The following USH2A variants were observed in gnomAD, a reference collection of about 807,000 sequenced individuals.
The protein encoded by USH2A is Usher syndrome 2A (autosomal recessive, mild).
A neutral mutation model predicts 538.9 loss-of-function variants in USH2A; 443 were observed. The ratio of observed to expected loss-of-function variants is 0.82; its 90% CI spans 0.76 to 0.89. The LOEUF is 0.89. Ranked by LOEUF, USH2A falls within the 40% of genes least tolerant of loss-of-function variation. The pLI is 0.00. For synonymous variants in USH2A, 2,413 were observed against 2,273.5 expected (o/e 1.06, Z -1.75); for missense variants, 6,633 against 6,324.8 (o/e 1.05, Z -1.65).
At chr1:215,857,349 G>A (rs922902409) in intron 44 of USH2A, among the ~76,000 whole-genome samples, 4 of 152,160 alleles carry the variant, frequency 2.6e-5, no homozygotes, top group African/African-American at 9.7e-5. Context: ...AGTTTGAAGT[G>A]TGTCAACAGA....
rs2609423 is a variant in USH2A, at chr1:216,110,964, G to C, written c.4628-13751C>G. On this transcript the variant is annotated intron_variant, in intron 21 of 71. Coordinates refer to ENST00000307340, the MANE Select transcript of USH2A (RefSeq NM_206933.4). ...TATCTGGCCGGGCATGGTGGCTCAC[G>C]CCTGTAATCCCAGCACTTTGGGAGG... Among the ~76,000 whole-genome samples the C allele has an allele frequency of 2.6e-5, 4 of 152,236 alleles. No individual in the cohort carries two copies. In the East Asian group the frequency reaches 7.7e-4, roughly 29 times the overall value.
At chr1:215,902,423 G>A (rs1026175082) in intron 38 of USH2A, among the ~76,000 whole-genome samples, 2 of 152,054 alleles carry the variant, frequency 1.3e-5, no homozygotes, top group Admixed American at 6.6e-5. Context: ...CATTTATTAA[G>A]GCTCCACTCT....
chr1:216,415,463 C>A (rs1254463576), intron 3 of USH2A, among the ~76,000 whole-genome samples: 5 of 151,126 alleles, frequency 3.3e-5, no homozygotes, highest in African/African-American at 1.2e-4. Context: ...AGTAGCATAA[C>A]CTAAATCAGA....
chr1:216,379,140 A>T (rs1394755787), intron 3 of USH2A, among the ~76,000 whole-genome samples: 1 of 152,032 alleles, frequency 6.6e-6, no homozygotes, highest in African/African-American at 2.4e-5. Context: ...TGAGAAGCTG[A>T]CCCAGACTGT....
intron 20 of USH2A, among the ~76,000 whole-genome samples, chr1:216,183,125 C>T (rs2034525772): frequency 6.6e-6 from 1 of 152,068 alleles, no homozygotes; most frequent in Non-Finnish European, 1.5e-5. Flanking sequence ...TCATTTTCTT[C>T]AATTTACAAA....
intron 35 of USH2A, among the ~76,000 whole-genome samples, chr1:215,983,795 C>A (rs1282705700): frequency 1.3e-5 from 2 of 152,154 alleles, no homozygotes; most frequent in East Asian, 3.9e-4. Context: ...GGGAAAGCAA[C>A]CAGTGACAAT....
At chr1:215,634,350 A>T in intron 70 of USH2A, 109 bp downstream of exon 70, 1 of 1,563,720 alleles carries the variant, frequency 6.4e-7, no homozygotes, top group South Asian at 1.1e-5. Flanking sequence ...GTGAAACATA[A>T]CTTACATCTA....
chr1:216,363,262 T>A (rs2038530543), intron 4 of USH2A, among the ~76,000 whole-genome samples: 1 of 152,148 alleles, frequency 6.6e-6, no homozygotes, highest in African/African-American at 2.4e-5. Context: ...ATTGAATATC[T>A]AATACATGCC....
At chr1:215,821,198 C>T (rs1339955952) in intron 47 of USH2A, among the ~76,000 whole-genome samples, 1 of 151,780 alleles carries the variant, frequency 6.6e-6, no homozygotes, top group Non-Finnish European at 1.5e-5. Context: ...AATTTACATT[C>T]CCACCAACAG....
intron 37 of USH2A, among the ~76,000 whole-genome samples, chr1:215,951,724 T>A (rs1481334268): frequency 6.6e-6 from 1 of 152,160 alleles, no homozygotes; most frequent in Admixed American, 6.5e-5. Context: ...CTTGCTTTAT[T>A]AATCTGGGTG....
intron 4 of USH2A, among the ~76,000 whole-genome samples, chr1:216,350,239 C>T (rs1304181047): frequency 6.6e-6 from 1 of 152,100 alleles, no homozygotes; most frequent in Non-Finnish European, 1.5e-5. Flanking sequence ...GGGATTACAA[C>T]TGAACATGCA....
At chr1:216,179,926 A>C (rs2102645600) in intron 20 of USH2A, among the ~76,000 whole-genome samples, 1 of 152,248 alleles carries the variant, frequency 6.6e-6, no homozygotes, top group South Asian at 2.1e-4. Flanking sequence ...TTTAAAAATT[A>C]TATTTCACTT....
chr1:216,016,612 C>T (rs1468691862), intron 32 of USH2A, among the ~76,000 whole-genome samples: 1 of 152,130 alleles, frequency 6.6e-6, no homozygotes, highest in African/African-American at 2.4e-5. Context: ...ATAAATTTCT[C>T]TTGTAAGCAT....
intron 21 of USH2A, among the ~76,000 whole-genome samples, chr1:216,155,094 C>T (rs2033911377): frequency 1.3e-5 from 2 of 152,088 alleles, no homozygotes; most frequent in Admixed American, 1.3e-4. Flanking sequence ...ATAGTTGACT[C>T]CATCTTGCTT....
In USH2A at chr1:216,232,088, C is replaced by T; in HGVS notation, c.2858G>A (p.Cys953Tyr). Residue 953 changes from cysteine to tyrosine, a missense_variant, in exon 14 of 72, where the codon TGC becomes TAC. Physicochemically the swap from Cys to Tyr is radical, Grantham distance 194. Coordinates refer to ENST00000307340, the MANE Select transcript of USH2A (RefSeq NM_206933.4). ...GNATGCLPCS[C>Y]HTTGAVNHIC... Reference sequence around the variant, plus strand: ...GTGATTAACTGCACCAGTTGTATGGCATGAGCATGGCAGGCAGCCAGTGGC... The same window carrying T: ...GTGATTAACTGCACCAGTTGTATGGTATGAGCATGGCAGGCAGCCAGTGGC... The T allele has an allele frequency of 1.2e-6, 2 of 1,613,934 alleles. No homozygotes were observed. The highest frequency in any genetic ancestry group is 1.7e-6 in the Non-Finnish European group (2 of 1,179,888).
At chr1:215,820,160 G>GT (rs200443545) in intron 47 of USH2A, among the ~76,000 whole-genome samples, 73 of 151,466 alleles carry the variant, frequency 4.8e-4, no homozygotes, top group African/African-American at 1.7e-3. Flanking sequence ...AACTGTTATA[G>GT]TTTTTTTTAG....
intron 37 of USH2A, among the ~76,000 whole-genome samples, chr1:215,955,794 T>G (rs563451513): frequency 6.6e-6 from 1 of 152,306 alleles, no homozygotes; most frequent in South Asian, 2.1e-4. Context: ...ATGTTTGATG[T>G]GGGCTGTTCT....
At position 215,702,124 on chromosome 1, in the gene USH2A, G is replaced by A. The variant is rs146869983; in HGVS notation, c.12067-21748C>T. On this transcript the variant is annotated intron_variant, in intron 61 of 71. Coordinates refer to ENST00000307340, the MANE Select transcript of USH2A (RefSeq NM_206933.4). ...AAATTCTGGGTTGAAAATTCTTTGC[G>A]TTAAGAATGTTGAATATTGGCCCCC... Among the ~76,000 whole-genome samples the A allele has an allele frequency of 6.8e-3, 1,042 of 152,180 alleles. 6 individuals carry two copies. Among genetic ancestry groups the A allele is most frequent in the African/African-American group, 0.023 (945 of 41,516 alleles).
intron 4 of USH2A, among the ~76,000 whole-genome samples, chr1:216,348,871 A>C (rs192218652): frequency 3.3e-5 from 5 of 152,212 alleles, no homozygotes; most frequent in East Asian, 1.9e-4. Flanking sequence ...TTCAAAAAAA[A>C]CCAAAATGAA....
Sources: allele counts gnomAD v4.1 joint callset (sites outside exome capture counted in the v4.1 genomes callset), GRCh38; gene constraint gnomAD v4.1.1; transcripts MANE v1.5; gene names NCBI Gene and HGNC (gene_info 2026-07-23, HGNC 2026-07-21).